The following ARHGAP15 variants were observed in gnomAD, a reference collection of about 807,000 sequenced individuals.
ARHGAP15 encodes rho GTPase-activating protein 15.
ARHGAP15 carries 51 observed loss-of-function variants against 63.7 expected under a neutral mutation model. The observed-to-expected ratio is 0.80, with a 90% CI of 0.64 to 1.01. ARHGAP15 has a LOEUF of 1.01. Among genes scored for constraint, ARHGAP15 ranks in the 50% least tolerant of loss-of-function variants. ARHGAP15 has a pLI of 0.00. For synonymous variants in ARHGAP15, 191 were observed against 193.8 expected, an observed-to-expected ratio of 0.99 and a Z score of 0.12; for missense variants, 560 against 564.6, an observed-to-expected ratio of 0.99 and a Z score of 0.08.
intron 13 of ARHGAP15, among the ~76,000 whole-genome samples, chr2:143,710,601 A>G (rs1684538593): frequency 6.6e-6 from 1 of 152,308 alleles, no homozygotes; most frequent in Admixed American, 6.5e-5. Context: ...AACATTCACC[A>G]CTGAAAAATA....
At chr2:143,623,584 A>G (rs1476609617) in intron 11 of ARHGAP15, among the ~76,000 whole-genome samples, 1 of 152,210 alleles carries the variant, frequency 6.6e-6, no homozygotes, top group African/African-American at 2.4e-5. Flanking sequence ...ATCCTTTCTC[A>G]CTCAGTATTC....
intron 6 of ARHGAP15, among the ~76,000 whole-genome samples, chr2:143,322,529 TA>T (rs1434844440): frequency 2.6e-5 from 4 of 152,182 alleles, no homozygotes; most frequent in Admixed American, 1.3e-4. Context: ...AATAATGTAA[TA>T]ACAACAAAAG....
At chr2:143,673,746 G>GTATATATATA (rs1405952200) in intron 12 of ARHGAP15, among the ~76,000 whole-genome samples, 341 of 29,486 alleles carry the variant, frequency 0.012, 9 homozygotes, top group Middle Eastern at 0.031. Context: ...GTGTGTGTGT[G>GTATATATATA]TGTGTGTGTG....
At chr2:143,618,674 C>T (rs1698535426) in intron 11 of ARHGAP15, among the ~76,000 whole-genome samples, 1 of 152,298 alleles carries the variant, frequency 6.6e-6, no homozygotes, top group Non-Finnish European at 1.5e-5. Context: ...GACTTGGTTA[C>T]TCTTCTATTC....
At chr2:143,692,210 G>A (rs1221667418) in intron 12 of ARHGAP15, among the ~76,000 whole-genome samples, 1 of 152,130 alleles carries the variant, frequency 6.6e-6, no homozygotes, top group Non-Finnish European at 1.5e-5. Flanking sequence ...TGGGGCAGGG[G>A]GGCAGGGAGG....
At chr2:143,307,014 G>A (rs952805464) in intron 6 of ARHGAP15, among the ~76,000 whole-genome samples, 6 of 152,076 alleles carry the variant, frequency 3.9e-5, no homozygotes, top group Non-Finnish European at 8.8e-5. Flanking sequence ...CAGGGTCCTC[G>A]TCCAAACTCA....
At chr2:143,433,329 G>A (rs959714034) in intron 6 of ARHGAP15, among the ~76,000 whole-genome samples, 5 of 152,062 alleles carry the variant, frequency 3.3e-5, no homozygotes, top group African/African-American at 1.2e-4. Context: ...ACTGTAGAGA[G>A]CAGTAGCAGA....
intron 6 of ARHGAP15, among the ~76,000 whole-genome samples, chr2:143,368,276 G>A (rs770497249): frequency 9.9e-5 from 15 of 151,992 alleles, no homozygotes; most frequent in Middle Eastern, 3.2e-3. Context: ...TATGAAGAGC[G>A]TCTTAGACGA....
chr2:143,326,565 C>T (rs1429986009), intron 6 of ARHGAP15, among the ~76,000 whole-genome samples: 1 of 152,142 alleles, frequency 6.6e-6, no homozygotes, highest in Non-Finnish European at 1.5e-5. Flanking sequence ...GTGACTTCTC[C>T]AACAATTAAC....
intron 2 of ARHGAP15, among the ~76,000 whole-genome samples, chr2:143,187,095 C>T (rs1179814562): frequency 6.6e-6 from 1 of 152,124 alleles, no homozygotes; most frequent in Non-Finnish European, 1.5e-5. Flanking sequence ...TATTTTGCAG[C>T]TCCTTTCACT....
At chr2:143,310,332 A>T (rs1234797013) in intron 6 of ARHGAP15, among the ~76,000 whole-genome samples, 1 of 152,078 alleles carries the variant, frequency 6.6e-6, no homozygotes, top group Non-Finnish European at 1.5e-5. Context: ...ACTTTTAGTC[A>T]ATTGTAAATG....
intron 12 of ARHGAP15, among the ~76,000 whole-genome samples, chr2:143,682,023 A>G (rs1683121801): frequency 6.6e-6 from 1 of 152,218 alleles, no homozygotes; most frequent in South Asian, 2.1e-4. Flanking sequence ...TATCTTCAGC[A>G]GTGTCAAACA....
chr2:143,758,109 C>G (rs1686641258), intron 13 of ARHGAP15, among the ~76,000 whole-genome samples: 1 of 151,834 alleles, frequency 6.6e-6, no homozygotes, highest in African/African-American at 2.4e-5. Context: ...TATTTCCATA[C>G]TATGAAATAT....
chr2:143,578,283 G>GAA (rs34530605), intron 11 of ARHGAP15, among the ~76,000 whole-genome samples: 11 of 151,578 alleles, frequency 7.3e-5, no homozygotes, highest in Non-Finnish European at 5.9e-5. Context: ...ACATTGAAAA[G>GAA]AAAAAAAACT....
intron 8 of ARHGAP15, among the ~76,000 whole-genome samples, chr2:143,444,845 A>C (rs1452811745): frequency 6.6e-6 from 1 of 152,186 alleles, no homozygotes; most frequent in Non-Finnish European, 1.5e-5. Context: ...AACTTTAATA[A>C]AGTGAGATCT....
At chr2:143,655,235 A>C (rs1302528576) in intron 12 of ARHGAP15, among the ~76,000 whole-genome samples, 1 of 152,102 alleles carries the variant, frequency 6.6e-6, no homozygotes, top group Non-Finnish European at 1.5e-5. Flanking sequence ...ACACTGCACC[A>C]TATTTGTAGT....
intron 6 of ARHGAP15, among the ~76,000 whole-genome samples, chr2:143,413,966 T>TGTGTGTGTGCGTGCGCGCGCGCGCGCGC: frequency 1.7e-5 from 2 of 117,910 alleles, no homozygotes; most frequent in African/African-American, 7.1e-5. Flanking sequence ...TGTGTGTGTG[T>TGTGTGTGTGCGTGCGCGCGCGCGCGCGC]GCGCGCTCTC....
At chr2:143,304,164 T>C (rs1198324406) in intron 6 of ARHGAP15, among the ~76,000 whole-genome samples, 1 of 152,216 alleles carries the variant, frequency 6.6e-6, no homozygotes, top group African/African-American at 2.4e-5. Flanking sequence ...CGTATGTTTA[T>C]TGTGGCATTA....
intron 11 of ARHGAP15, among the ~76,000 whole-genome samples, chr2:143,613,429 A>G (rs1698335513): frequency 6.6e-6 from 1 of 152,184 alleles, no homozygotes; most frequent in Non-Finnish European, 1.5e-5. Context: ...TTATTTCCTT[A>G]CAATCAGCAT....
Sources: allele counts gnomAD v4.1 joint callset (sites outside exome capture counted in the v4.1 genomes callset), GRCh38; gene constraint gnomAD v4.1.1; transcripts MANE v1.5; gene names NCBI Gene and HGNC (gene_info 2026-07-23, HGNC 2026-07-21).